Variants in GAB2 observed in about 807,000 individuals in gnomAD.
GAB2 encodes GRB2-associated-binding protein 2.
Under a neutral mutation model 65.5 loss-of-function variants are expected in GAB2, and 26 were observed. That is an observed-to-expected ratio of 0.40 (90% confidence interval 0.29 to 0.55). GAB2 has a LOEUF of 0.55. Among genes scored for constraint, GAB2 ranks in the 20% least tolerant of loss-of-function variants. The pLI is 0.53. For missense variants in GAB2, 884 were observed against 875.8 expected, an observed-to-expected ratio of 1.01 and a Z score of -0.12; for synonymous variants, 321 against 329.6, an observed-to-expected ratio of 0.97 and a Z score of 0.28.
intron 1 of GAB2, among the ~76,000 whole-genome samples, chr11:78,319,607 T>C (rs967127592): frequency 6.6e-6 from 1 of 152,212 alleles, no homozygotes; most frequent in Non-Finnish European, 1.5e-5. Flanking sequence ...TTCTCACCCA[T>C]GTTCACAACC....
At chr11:78,304,734 TA>T (rs755604138) in intron 1 of GAB2, among the ~76,000 whole-genome samples, 1 of 152,188 alleles carries the variant, frequency 6.6e-6, no homozygotes, top group Non-Finnish European at 1.5e-5. Context: ...TTTCTTTGTA[TA>T]ATGTAATATG....
rs138077292 is a variant in GAB2 at position 78,400,643 on chromosome 11, C to T, written c.75+17003G>A. Among the ~76,000 whole-genome samples the T allele has an allele frequency of 2.2e-3, 339 of 152,260 alleles. 1 individual carries two copies. The highest frequency in any genetic ancestry group is 7.9e-3 in the African/African-American group (329 of 41,552). On this transcript the variant is annotated intron_variant, in intron 1 of 9. Transcript: ENST00000361507. Reference sequence around the variant, plus strand: ...TAAGGCCAGGCGCAGTGGCTCATGTCTGTAATCCCAGCACTTTGGGAGGCT... The same window carrying T: ...TAAGGCCAGGCGCAGTGGCTCATGTTTGTAATCCCAGCACTTTGGGAGGCT...
intron 1 of GAB2, among the ~76,000 whole-genome samples, chr11:78,333,862 G>A (rs1204678364): frequency 6.6e-6 from 1 of 152,066 alleles, no homozygotes; most frequent in Non-Finnish European, 1.5e-5. Flanking sequence ...GTCATCATAA[G>A]GATCCTTTTA....
intron 1 of GAB2, among the ~76,000 whole-genome samples, chr11:78,284,943 G>C (rs1334498902): frequency 1.3e-5 from 2 of 152,076 alleles, no homozygotes; most frequent in Non-Finnish European, 2.9e-5. Context: ...CAGGTCAAAG[G>C]AGACATAACT....
chr11:78,365,843 C>T (rs990055914), intron 1 of GAB2, among the ~76,000 whole-genome samples: 1 of 152,158 alleles, frequency 6.6e-6, no homozygotes, highest in African/African-American at 2.4e-5. Context: ...GTCCAAATTC[C>T]GCAGTCCAGA....
intron 1 of GAB2, among the ~76,000 whole-genome samples, chr11:78,370,435 G>A (rs555621951): frequency 1.3e-5 from 2 of 152,242 alleles, no homozygotes; most frequent in Non-Finnish European, 1.5e-5. Context: ...AGGGCAAACA[G>A]GGCAAGGGTC....
chr11:78,295,929 A>G (rs1866810858), intron 1 of GAB2, among the ~76,000 whole-genome samples: 1 of 152,196 alleles, frequency 6.6e-6, no homozygotes, highest in South Asian at 2.1e-4. Context: ...CCTCTGGGGC[A>G]GCGATCCCCA....
At chr11:78,297,075 G>T (rs557857301) in intron 1 of GAB2, among the ~76,000 whole-genome samples, 1 of 152,252 alleles carries the variant, frequency 6.6e-6, no homozygotes, top group East Asian at 1.9e-4. Context: ...CAAACATTCA[G>T]TCCATACATG....
intron 3 of GAB2, among the ~76,000 whole-genome samples, chr11:78,235,711 C>A (rs1264492011): frequency 6.6e-6 from 1 of 152,170 alleles, no homozygotes; most frequent in Non-Finnish European, 1.5e-5. Context: ...CCAACAAGTT[C>A]CTCATCTCCA....
intron 1 of GAB2, chr11:78,392,251 A>AAAG (rs941525656): frequency 1.3e-5 from 2 of 151,662 alleles, no homozygotes; most frequent in African/African-American, 4.9e-5. Context: ...CAAAAAAAAA[A>AAAG]AAGAAGAAGA....
chr11:78,409,560 G>A (rs1857100101), intron 1 of GAB2, among the ~76,000 whole-genome samples: 1 of 151,928 alleles, frequency 6.6e-6, no homozygotes, highest in South Asian at 2.1e-4. Flanking sequence ...CCTCCAGCCT[G>A]GGCAACAACA....
intron 2 of GAB2, among the ~76,000 whole-genome samples, chr11:78,278,751 C>T (rs1866246403): frequency 6.6e-6 from 1 of 151,470 alleles, no homozygotes; most frequent in Non-Finnish European, 1.5e-5. Flanking sequence ...CACAGGGTCT[C>T]GTTCTGTCAT....
intron 1 of GAB2, among the ~76,000 whole-genome samples, chr11:78,300,861 A>T (rs1866999281): frequency 6.6e-6 from 1 of 151,592 alleles, no homozygotes; most frequent in African/African-American, 2.4e-5. Context: ...TGCCCAGCTA[A>T]TTTTTGTATT....
At chr11:78,296,409 C>A (rs1252583862) in intron 1 of GAB2, among the ~76,000 whole-genome samples, 2 of 152,218 alleles carry the variant, frequency 1.3e-5, no homozygotes, top group Admixed American at 1.3e-4. Flanking sequence ...GAACTCATGG[C>A]TAACAGCACT....
intron 3 of GAB2, among the ~76,000 whole-genome samples, chr11:78,230,964 G>A (rs746032252): frequency 6.6e-6 from 1 of 152,204 alleles, no homozygotes; most frequent in African/African-American, 2.4e-5. Context: ...ACCTGGAAGT[G>A]GTGGATTTGG....
intron 1 of GAB2, among the ~76,000 whole-genome samples, chr11:78,299,353 C>T (rs1336380683): frequency 1.3e-5 from 2 of 152,198 alleles, no homozygotes; most frequent in Non-Finnish European, 2.9e-5. Flanking sequence ...CAATTTCTGA[C>T]ATTTTAAGAT....
At chr11:78,396,219 T>C (rs1188382275) in intron 1 of GAB2, among the ~76,000 whole-genome samples, 1 of 152,182 alleles carries the variant, frequency 6.6e-6, no homozygotes, top group Non-Finnish European at 1.5e-5. Flanking sequence ...TTCACCGTAG[T>C]TCAAACAAAG....
chr11:78,356,839 A>C (rs1386983352), intron 1 of GAB2, among the ~76,000 whole-genome samples: 1 of 152,242 alleles, frequency 6.6e-6, no homozygotes, highest in Admixed American at 6.5e-5. Flanking sequence ...TGGCATTCTG[A>C]AATGTTACAA....
In GAB2 at chr11:78,316,635, T is replaced by C. The variant is rs115908354; in HGVS notation, c.76-35734A>G. Among the ~76,000 whole-genome samples, 1,297 of 152,222 alleles carry C rather than the reference T, an allele frequency of 8.5e-3. 19 individuals carry two copies. Among genetic ancestry groups the C allele is most frequent in the African/African-American group, 0.03 (1,236 of 41,538 alleles). ...ATATGGCTACTTTAAAAAATAGAAA[T>C]AAGTGTTGGTGAGAATATGGAGAAA... On this transcript the variant is annotated intron_variant, in intron 1 of 9. Transcript: ENST00000361507.
Sources: gnomAD v4.1 joint callset for allele counts (sites outside exome capture counted in the v4.1 genomes callset) on GRCh38, gnomAD v4.1.1 for gene constraint, MANE v1.5 for transcripts, NCBI Gene and HGNC (gene_info 2026-07-23, HGNC 2026-07-21) for gene names.